The following IL1RAPL1 variants were observed in gnomAD, a reference collection of about 807,000 sequenced individuals.
IL1RAPL1 encodes interleukin-1 receptor accessory protein-like 1.
A neutral mutation model predicts 48.4 loss-of-function variants in IL1RAPL1; 3 were observed. The observed-to-expected ratio is 0.06, with a 90% CI of 0.03 to 0.16. The LOEUF (loss-of-function observed/expected upper bound fraction) is 0.16. IL1RAPL1 is among the 10% of genes least tolerant of loss of function. The pLI is 1.00. For missense variants in IL1RAPL1, 349 were observed against 530.6 expected (o/e 0.66, Z 3.36); for synonymous variants, 185 against 187.7 (o/e 0.99, Z 0.12).
intron 2 of IL1RAPL1, among the ~76,000 whole-genome samples, chrX:29,224,293 T>G (rs1022235406): frequency 9.0e-5 from 10 of 111,413 alleles, no homozygotes; most frequent in African/African-American, 2.9e-4. Context: ...GGTTTAAATT[T>G]TAGAGACTTA....
intron 1 of IL1RAPL1, among the ~76,000 whole-genome samples, chrX:28,680,987 A>G (rs1935053814): frequency 9.0e-6 from 1 of 111,492 alleles, no homozygotes; most frequent in Admixed American, 9.6e-5. Flanking sequence ...AAGGATTGGT[A>G]TTAATATTTC....
chrX:29,495,425 A>G (rs1474146691), intron 5 of IL1RAPL1, among the ~76,000 whole-genome samples: 1 of 111,769 alleles, frequency 8.9e-6, no homozygotes, highest in Non-Finnish European at 1.9e-5. Context: ...GAGAACACAG[A>G]ACGCAGGAAT....
intron 2 of IL1RAPL1, among the ~76,000 whole-genome samples, chrX:29,122,589 G>C (rs1928818694): frequency 9.1e-6 from 1 of 109,377 alleles, no homozygotes; most frequent in African/African-American, 3.3e-5. Context: ...AAAGCATTTT[G>C]AAAATTCATT....
chrX:29,570,009 C>T (rs1922544751), intron 5 of IL1RAPL1, among the ~76,000 whole-genome samples: 1 of 111,846 alleles, frequency 8.9e-6, no homozygotes, highest in Non-Finnish European at 1.9e-5. Context: ...TATGGAAATA[C>T]GTGAAGGCAT....
chrX:28,771,239 C>G (rs1166500551), intron 1 of IL1RAPL1, among the ~76,000 whole-genome samples: 1 of 111,787 alleles, frequency 8.9e-6, no homozygotes, highest in African/African-American at 3.3e-5. Flanking sequence ...ATTGCATTCT[C>G]AAAGTCTTGT....
chrX:28,860,102 C>T, intron 2 of IL1RAPL1, among the ~76,000 whole-genome samples: 1 of 111,744 alleles, frequency 8.9e-6, no homozygotes, highest in East Asian at 2.8e-4. Flanking sequence ...TAGATATTTA[C>T]ATAAATTGCT....
chrX:29,785,895 G>T (rs1432477521), intron 6 of IL1RAPL1, among the ~76,000 whole-genome samples: 1 of 110,361 alleles, frequency 9.1e-6, no homozygotes, highest in African/African-American at 3.3e-5. Context: ...TGAGATAAGG[G>T]GAATATTTTA....
At chrX:28,927,649 G>T (rs1193931590) in intron 2 of IL1RAPL1, among the ~76,000 whole-genome samples, 1 of 101,002 alleles carries the variant, frequency 9.9e-6, no homozygotes. Context: ...TGTATCCTAT[G>T]GTCACATGAC....
At chrX:29,258,042 G>C (rs1206881705) in intron 2 of IL1RAPL1, among the ~76,000 whole-genome samples, 3 of 111,226 alleles carry the variant, frequency 2.7e-5, no homozygotes, top group Non-Finnish European at 3.8e-5. Flanking sequence ...TTTTGGAATA[G>C]TTCTTGTGTC....
chrX:29,696,974 G>A (rs1233970688), intron 6 of IL1RAPL1, among the ~76,000 whole-genome samples: 1 of 111,663 alleles, frequency 9.0e-6, no homozygotes, highest in Non-Finnish European at 1.9e-5. Context: ...ATAAAGACGT[G>A]ACTACCAGTG....
At position 29,745,431 on chromosome X, in the gene IL1RAPL1, G is replaced by GTT. The variant is rs752527354; in HGVS notation, c.778+76955_778+76956dup. Among the ~76,000 whole-genome samples, 135 of 24,747 alleles carry GTT rather than the reference G, an allele frequency of 5.5e-3. 26 individuals are homozygous for GTT. Among genetic ancestry groups the GTT allele is most frequent in the African/African-American group, 0.016 (89 of 5,579 alleles). The allele number at this position is 24,747 out of a possible 115,157, so 21.5% of individuals were successfully genotyped here. On this transcript the variant is annotated intron_variant, in intron 6 of 10. Transcript: ENST00000378993. ...TCTCTTTATTCCTTAAGTTTTTTGT[G>GTT]TTTTTTTTTTTTTTTTTTTTTTTTT...
intron 2 of IL1RAPL1, among the ~76,000 whole-genome samples, chrX:29,274,005 A>G (rs1420121805): frequency 8.9e-6 from 1 of 112,165 alleles, no homozygotes; most frequent in Non-Finnish European, 1.9e-5. Flanking sequence ...ACAGCTGGAA[A>G]AAAAACACAT....
chrX:29,826,253 T>A (rs1306993585), intron 6 of IL1RAPL1, among the ~76,000 whole-genome samples: 7 of 111,028 alleles, frequency 6.3e-5, no homozygotes, highest in African/African-American at 2.3e-4. Context: ...GGAAAAAAAA[T>A]TTATCCAAAA....
At chrX:29,758,706 AAATAAT>A (rs1174768134) in intron 6 of IL1RAPL1, among the ~76,000 whole-genome samples, 1 of 107,097 alleles carries the variant, frequency 9.3e-6, no homozygotes, top group African/African-American at 3.5e-5. Flanking sequence ...AAAAAAAAAA[AAATAAT>A]AATAATAATA....
At position 29,584,237 on chromosome X, in the gene IL1RAPL1, G is replaced by A. The variant is rs927098832; in HGVS notation, c.704-84193G>A. On this transcript the variant is annotated intron_variant, in intron 5 of 10. Transcript: ENST00000378993. ...CTATATTTCCAAAAGCCTGCTAAAG[G>A]TCATCACTACAGCAATTCTCCTTTT... Among the ~76,000 whole-genome samples, 4 of 111,202 alleles carry A rather than the reference G, an allele frequency of 3.6e-5. No individual in the cohort carries two copies. In the East Asian group the frequency reaches 1.1e-3, roughly 32 times the overall value.
intron 1 of IL1RAPL1, among the ~76,000 whole-genome samples, chrX:28,721,228 C>A (rs1405359442): frequency 1.8e-5 from 2 of 111,470 alleles, no homozygotes; most frequent in Non-Finnish European, 3.8e-5. Flanking sequence ...AAAGTGTTCC[C>A]ATTTCTCCAC....
chrX:29,533,771 T>G (rs757740825), intron 5 of IL1RAPL1, among the ~76,000 whole-genome samples: 8 of 112,045 alleles, frequency 7.1e-5, no homozygotes, highest in Non-Finnish European at 1.5e-4. Flanking sequence ...TCGTTTTTTA[T>G]TTATCATATC....
intron 6 of IL1RAPL1, among the ~76,000 whole-genome samples, chrX:29,870,041 G>T (rs1931769982): frequency 9.0e-6 from 1 of 111,544 alleles, no homozygotes; most frequent in South Asian, 3.8e-4. Flanking sequence ...AGCCAGAAAG[G>T]ATCAATTCTG....
At chrX:29,782,887 C>CTTTTTTTTTTTTTTTTTTTTT (rs1569167260) in intron 6 of IL1RAPL1, among the ~76,000 whole-genome samples, 1 of 59,856 alleles carries the variant, frequency 1.7e-5, no homozygotes, top group Non-Finnish European at 3.0e-5. Flanking sequence ...TTGATCGTGA[C>CTTTTTTTTTTTTTTTTTTTTT]ATTTTTTTTT....
Sources: gnomAD v4.1 joint callset for allele counts (sites outside exome capture counted in the v4.1 genomes callset) on GRCh38, gnomAD v4.1.1 for gene constraint, MANE v1.5 for transcripts, NCBI Gene and HGNC (gene_info 2026-07-23, HGNC 2026-07-21) for gene names.